The following CHL1 variants were observed in gnomAD, a reference collection of about 807,000 sequenced individuals.
The protein encoded by CHL1 is neural cell adhesion molecule L1-like protein.
A neutral mutation model predicts 141.9 loss-of-function variants in CHL1; 96 were observed. The observed-to-expected ratio is 0.68, with a 90% confidence interval of 0.57 to 0.80. The LOEUF is 0.80. Among genes scored for constraint, CHL1 ranks in the 30% least tolerant of loss-of-function variants. CHL1 has a pLI of 0.00. For missense variants in CHL1, 1,820 were observed against 1,457.2 expected (o/e 1.25, Z -4.05); for synonymous variants, 613 against 502.2 (o/e 1.22, Z -2.95).
At chr3:325,084 G>A (rs35556277) in intron 3 of CHL1, among the ~76,000 whole-genome samples, 15,648 of 150,900 alleles carry the variant, frequency 0.1, 1,074 homozygotes, top group East Asian at 0.32. Context: ...CAATAGATAA[G>A]TGAGAAAAGG....
At chr3:346,392 C>T (rs1190836077) in intron 9 of CHL1, among the ~76,000 whole-genome samples, 3 of 152,130 alleles carry the variant, frequency 2.0e-5, no homozygotes, top group East Asian at 3.9e-4. Context: ...TGTATTTGTA[C>T]ATGTTTACAG....
chr3:314,352 T>C (rs1314845653), intron 2 of CHL1, among the ~76,000 whole-genome samples: 1 of 125,650 alleles, frequency 8.0e-6, no homozygotes, highest in Non-Finnish European at 1.8e-5. Flanking sequence ...TATATATATA[T>C]ATATATATAT....
chr3:363,469 A>G, intron 14 of CHL1, 86 bp downstream of exon 14: 5 of 1,199,552 alleles, frequency 4.2e-6, no homozygotes, highest in Non-Finnish European at 4.7e-6. Context: ...ATACCATTTA[A>G]GTTGGAGTAC....
chr3:288,240 T>C (rs1008562958), intron 2 of CHL1, among the ~76,000 whole-genome samples: 1 of 152,228 alleles, frequency 6.6e-6, no homozygotes, highest in Non-Finnish European at 1.5e-5. Flanking sequence ...TTTACCTTCA[T>C]TTTCATTAGA....
At chr3:281,425 T>C (rs1468342524) in intron 2 of CHL1, among the ~76,000 whole-genome samples, 1 of 152,176 alleles carries the variant, frequency 6.6e-6, no homozygotes, top group African/African-American at 2.4e-5. Context: ...GGTAAAGTTG[T>C]GGTCATGTCG....
chr3:317,735 C>T lies in CHL1; in HGVS notation c.-94-1948C>T, dbSNP rs530349718. Among the ~76,000 whole-genome samples, 36 of 150,954 alleles carry T rather than the reference C, an allele frequency of 2.4e-4. 1 individual carries two copies. In the South Asian group the frequency reaches 7.3e-3, roughly 31 times the overall value. ...CTCAAAATTTTCATATTAATAATAG[C>T]TACATGGTTTAATGTCTCCCAACTT... On this transcript the variant is annotated intron_variant, in intron 2 of 27. Coordinates refer to ENST00000256509, the MANE Select transcript of CHL1 (RefSeq NM_006614.4).
Position 382,679 on chromosome 3 carries a change from G to T in CHL1, c.2176+8G>T, listed in dbSNP as rs1270444915. The T allele has an allele frequency of 6.2e-7, 1 of 1,611,602 alleles. No individual in the cohort carries two copies. The highest frequency in any genetic ancestry group is 8.5e-7 in the Non-Finnish European group (1 of 1,177,966). On this transcript the variant is annotated splice_region_variant and intron_variant, in intron 18 of 27. Coordinates refer to ENST00000256509, the MANE Select transcript of CHL1 (RefSeq NM_006614.4). ...ATGAAACACCACCAGCAGGTATGCA[G>T]GTTCTCACATCAGGTTTCTAACAAA...
intron 2 of CHL1, among the ~76,000 whole-genome samples, chr3:292,202 A>G (rs142076637): frequency 6.6e-6 from 1 of 152,326 alleles, no homozygotes; most frequent in Non-Finnish European, 1.5e-5. Flanking sequence ...TGGTAGACGT[A>G]TTGTTTTCAT....
intron 2 of CHL1, among the ~76,000 whole-genome samples, chr3:286,696 C>A (rs1697188670): frequency 6.6e-6 from 1 of 151,844 alleles, no homozygotes; most frequent in Non-Finnish European, 1.5e-5. Flanking sequence ...ATGAGCTACC[C>A]AGTTGCTTAT....
intron 1 of CHL1, among the ~76,000 whole-genome samples, chr3:241,558 T>G (rs2125092477): frequency 6.6e-6 from 1 of 151,368 alleles, no homozygotes; most frequent in Non-Finnish European, 1.5e-5. Context: ...CAAGTGCTGT[T>G]TCTCCTTCCA....
intron 2 of CHL1, among the ~76,000 whole-genome samples, chr3:317,161 A>G (rs752046657): frequency 6.6e-6 from 1 of 152,070 alleles, no homozygotes; most frequent in Non-Finnish European, 1.5e-5. Context: ...AGGTAAGGTC[A>G]TATGTAGAAT....
intron 1 of CHL1, among the ~76,000 whole-genome samples, chr3:220,524 T>TA (rs1559289614): frequency 9.2e-5 from 14 of 151,892 alleles, no homozygotes; most frequent in South Asian, 6.2e-4. Context: ...TGTTTTTTTT[T>TA]TAAAAAAAGG....
At chr3:296,536 A>G (rs1418463764) in intron 2 of CHL1, among the ~76,000 whole-genome samples, 1 of 151,974 alleles carries the variant, frequency 6.6e-6, no homozygotes, top group Non-Finnish European at 1.5e-5. Context: ...ATGCTTTCAT[A>G]GTTTCATGAC....
intron 2 of CHL1, among the ~76,000 whole-genome samples, chr3:315,220 A>G (rs2125010324): frequency 1.3e-5 from 2 of 152,268 alleles, no homozygotes; most frequent in Middle Eastern, 6.8e-3. Flanking sequence ...TAAGTGTGCT[A>G]TACAGCAGCA....
chr3:304,086 C>G (rs1232702386), intron 2 of CHL1, among the ~76,000 whole-genome samples: 7 of 151,598 alleles, frequency 4.6e-5, no homozygotes, highest in Admixed American at 3.3e-4. Context: ...AACTTCGTAC[C>G]TGGTGGTAAG....
intron 9 of CHL1, among the ~76,000 whole-genome samples, chr3:349,093 G>T (rs538326413): frequency 6.6e-6 from 1 of 152,184 alleles, no homozygotes; most frequent in South Asian, 2.1e-4. Flanking sequence ...GCACTTACAT[G>T]TAGTTAGCCC....
rs557123201 is a variant in CHL1, at chr3:406,364, C to T, written c.*653C>T. Reference sequence around the variant, plus strand: ...TCAACATGAATTTTTTTATTTCTGTCAGTTATGACATCCACAAGCATCACT... The same window carrying T: ...TCAACATGAATTTTTTTATTTCTGTTAGTTATGACATCCACAAGCATCACT... On this transcript the variant is annotated 3_prime_UTR_variant, in exon 28 of 28. Coordinates refer to ENST00000256509, the MANE Select transcript of CHL1 (RefSeq NM_006614.4). 6.7e-6 allele frequency: 1 copy of T among 149,910 alleles called. No homozygotes were observed. Among genetic ancestry groups the T allele is most frequent in the Admixed American group, 6.7e-5 (1 of 14,986 alleles). 9.3% of individuals were successfully genotyped at this position (149,910 alleles called of 1,614,324 possible).
chr3:296,733 G>A (rs1478688187), intron 2 of CHL1, among the ~76,000 whole-genome samples: 2 of 152,292 alleles, frequency 1.3e-5, no homozygotes, highest in East Asian at 3.9e-4. Flanking sequence ...GTGGAAGGCA[G>A]ACATTGTATC....
chr3:289,536 A>T (rs1361916414), intron 2 of CHL1, among the ~76,000 whole-genome samples: 1 of 152,188 alleles, frequency 6.6e-6, no homozygotes, highest in Non-Finnish European at 1.5e-5. Context: ...CAAACACTGA[A>T]TTAGTAAATA....
Sources: gnomAD v4.1 joint callset for allele counts (sites outside exome capture counted in the v4.1 genomes callset) on GRCh38, gnomAD v4.1.1 for gene constraint, MANE v1.5 for transcripts, NCBI Gene and HGNC (gene_info 2026-07-23, HGNC 2026-07-21) for gene names.